Variants in BTBD7 observed in about 807,000 individuals in gnomAD.
BTBD7 encodes BTB domain containing 7.
Under a neutral mutation model 99.9 loss-of-function variants are expected in BTBD7, and 38 were observed. The ratio of observed to expected loss-of-function variants is 0.38; its 90% CI spans 0.29 to 0.50. The LOEUF is 0.50. Among genes scored for constraint, BTBD7 ranks in the 20% least tolerant of loss-of-function variants. The probability of loss-of-function intolerance (pLI) is 0.93; values close to 1 mark genes in which losing one functional copy is unlikely to be tolerated. For synonymous variants in BTBD7, 520 were observed against 511.4 expected, an observed-to-expected ratio of 1.02 and a Z score of -0.23; for missense variants, 1,170 against 1,394.6, an observed-to-expected ratio of 0.84 and a Z score of 2.57.
At chr14:93,288,360 A>C in intron 3 of BTBD7, 3 of 611,362 alleles carry the variant, frequency 4.9e-6, no homozygotes, top group Non-Finnish European at 8.6e-6. Flanking sequence ...TACTTTCTAG[A>C]TTTCCTCAAC....
rs147919576 is a variant in BTBD7 at position 93,309,429 on chromosome 14, A to C, written c.-106-13272T>G. Among the ~76,000 whole-genome samples the C allele has an allele frequency of 5.7e-3, 864 of 151,208 alleles. 4 individuals carry two copies. The highest frequency in any genetic ancestry group is 9.5e-3 in the Admixed American group (144 of 15,098). On this transcript the variant is annotated intron_variant, in intron 1 of 10. Transcript: ENST00000334746. ...CCAAGAAAAAAAAAAAAAAAAGAGT[A>C]AAATGGCAAAGCCAAGACCAAAGAC...
At chr14:93,319,671 A>C (rs2053248053) in intron 1 of BTBD7, among the ~76,000 whole-genome samples, 1 of 152,210 alleles carries the variant, frequency 6.6e-6, no homozygotes, top group Non-Finnish European at 1.5e-5. Context: ...CAGACTTATT[A>C]ATCAACGGGC....
At chr14:93,283,504 T>A (rs1369070125) in intron 3 of BTBD7, among the ~76,000 whole-genome samples, 1 of 152,254 alleles carries the variant, frequency 6.6e-6, no homozygotes, top group Non-Finnish European at 1.5e-5. Flanking sequence ...CATATTTACA[T>A]TTTAAAAGCC....
intron 1 of BTBD7, among the ~76,000 whole-genome samples, chr14:93,324,060 T>C (rs1377134704): frequency 6.6e-6 from 1 of 152,178 alleles, no homozygotes; most frequent in Admixed American, 6.6e-5. Flanking sequence ...AACATATGAC[T>C]ATTGTGCAAA....
chr14:93,254,738 T>G (rs1204036596), intron 6 of BTBD7, among the ~76,000 whole-genome samples: 1 of 152,072 alleles, frequency 6.6e-6, no homozygotes, highest in Non-Finnish European at 1.5e-5. Flanking sequence ...GTTCCTAAGG[T>G]GGTGTGAGGA....
intron 3 of BTBD7, among the ~76,000 whole-genome samples, chr14:93,293,102 A>G (rs55634005): frequency 0.11 from 17,232 of 152,206 alleles, 1,170 homozygotes; most frequent in African/African-American, 0.19. Context: ...CTCTGTCAAA[A>G]CAGCAAACTG....
chr14:93,330,194 C>G (rs1420504492), intron 1 of BTBD7, among the ~76,000 whole-genome samples: 1 of 152,160 alleles, frequency 6.6e-6, no homozygotes, highest in East Asian at 1.9e-4. Context: ...ATACCTTGCA[C>G]AACAGGATAA....
At chr14:93,274,840 G>C (rs1363160246) in intron 3 of BTBD7, among the ~76,000 whole-genome samples, 2 of 152,202 alleles carry the variant, frequency 1.3e-5, no homozygotes, top group African/African-American at 2.4e-5. Context: ...TGCCACTCTA[G>C]ATTTTGGTCA....
At chr14:93,303,880 G>A (rs775701013) in intron 1 of BTBD7, among the ~76,000 whole-genome samples, 4 of 152,200 alleles carry the variant, frequency 2.6e-5, no homozygotes, top group African/African-American at 9.7e-5. Context: ...AATGGGAGTC[G>A]CTTATTCCTC....
intron 1 of BTBD7, among the ~76,000 whole-genome samples, chr14:93,318,045 A>AT (rs1364834547): frequency 2.0e-5 from 3 of 151,802 alleles, no homozygotes; most frequent in African/African-American, 4.8e-5. Context: ...TTCGCTTTGT[A>AT]TTTTTTTTGC....
chr14:93,283,234 A>G (rs2052740883), intron 3 of BTBD7, among the ~76,000 whole-genome samples: 1 of 151,738 alleles, frequency 6.6e-6, no homozygotes, highest in South Asian at 2.1e-4. Context: ...TGTGCCACCC[A>G]CTCGGCTAAT....
Position 93,248,621 on chromosome 14 carries a change from C to T in BTBD7, c.1976G>A (p.Arg659Lys). ...PRLLIMKDMVRRLQELRHTEQ... is the reference protein window; with the variant it reads ...PRLLIMKDMVKRLQELRHTEQ... ...CGTGTGCCGCAGTTCCTGCAGTCGTCTGACCATGTCTTTCATAATGAGGAG... is the reference window on the plus strand; with the variant it reads ...CGTGTGCCGCAGTTCCTGCAGTCGTTTGACCATGTCTTTCATAATGAGGAG... The change falls in exon 9 of 11, where the codon AGA (arginine) becomes AAA (lysine). Residue 659 changes from arginine to lysine, a missense_variant. Coordinates refer to ENST00000334746, the MANE Select transcript of BTBD7 (RefSeq NM_001002860.4). 1 of 1,612,724 alleles carries T rather than the reference C, an allele frequency of 6.2e-7. No individual in the cohort carries two copies. Among genetic ancestry groups the T allele is most frequent in the Non-Finnish European group, 8.5e-7 (1 of 1,179,714 alleles).
At chr14:93,269,747 C>T (rs1378741193) in intron 3 of BTBD7, among the ~76,000 whole-genome samples, 3 of 152,190 alleles carry the variant, frequency 2.0e-5, no homozygotes, top group Non-Finnish European at 4.4e-5. Context: ...ACCTATCTCA[C>T]TCACTGCAGA....
chr14:93,294,291 G>A lies in BTBD7; in HGVS notation c.729C>T (p.Tyr243=). 1 of 1,614,102 alleles carries A rather than the reference G, an allele frequency of 6.2e-7. No homozygotes were observed. The highest frequency in any genetic ancestry group is 8.5e-7 in the Non-Finnish European group (1 of 1,180,022). The change falls in exon 3 of 11, where the codon TAC becomes TAT. Residue 243 remains tyrosine, a synonymous_variant. Transcript: ENST00000334746. ...LDVDMRGLFD[Y]MCYYDVVLSF... ...TAAGGACGACATCATAATAACACAT[G>A]TAATCAAAGAGTCCACGCATATCTA...
chr14:93,262,275 G>A (rs1012405394), intron 4 of BTBD7, among the ~76,000 whole-genome samples: 1 of 152,074 alleles, frequency 6.6e-6, no homozygotes, highest in Non-Finnish European at 1.5e-5. Flanking sequence ...TGGGACTACA[G>A]GCGCCCGCCA....
intron 3 of BTBD7, among the ~76,000 whole-genome samples, chr14:93,268,758 T>A (rs1021082013): frequency 4.9e-5 from 5 of 102,118 alleles, no homozygotes; most frequent in African/African-American, 1.6e-4. Flanking sequence ...ACTTAGACCT[T>A]TTTTTTTTTT....
rs751807023 is a variant in BTBD7 at position 93,246,266 on chromosome 14, A to T, written c.2142T>A (p.Pro714=). ...GACTTTCATCCCCAAAACGTTCATC[A>T]GGAAAGAATTTGTGAGGATTCTAAA... ...ELLQNPHKFF[P]DERFGDESPL... The change falls in exon 10 of 11, where the codon CCT becomes CCA. Residue 714 remains proline, a synonymous_variant. Coordinates refer to ENST00000334746, the MANE Select transcript of BTBD7 (RefSeq NM_001002860.4). 2 of 1,507,614 alleles carry T rather than the reference A, an allele frequency of 1.3e-6. No individual in the cohort carries two copies. The highest frequency in any genetic ancestry group is 1.8e-6 in the Non-Finnish European group (2 of 1,128,512). The allele number at this position is 1,507,614 out of a possible 1,614,324, so 93.4% of individuals were successfully genotyped here.
At position 93,282,816 on chromosome 14, in the gene BTBD7, G is replaced by A. The variant is rs184682821; in HGVS notation, c.1162+11042C>T. Among the ~76,000 whole-genome samples, 341 of 151,902 alleles carry A rather than the reference G, an allele frequency of 2.2e-3. 1 individual carries two copies. Among genetic ancestry groups the A allele is most frequent in the Non-Finnish European group, 3.9e-3 (265 of 67,972 alleles). On this transcript the variant is annotated intron_variant, in intron 3 of 10. Transcript: ENST00000334746. Reference sequence around the variant, plus strand: ...CTGTATCTTAGACTCCATTCATTTTGTATTCCTTGGTGATGGGAGGCATCA... The same window carrying A: ...CTGTATCTTAGACTCCATTCATTTTATATTCCTTGGTGATGGGAGGCATCA...
intron 1 of BTBD7, among the ~76,000 whole-genome samples, chr14:93,302,063 T>C (rs1268868759): frequency 2.6e-5 from 4 of 152,190 alleles, no homozygotes; most frequent in Non-Finnish European, 5.9e-5. Context: ...GATGGTTATC[T>C]TGAGTACGAG....
Sources: gnomAD v4.1 joint callset for allele counts (sites outside exome capture counted in the v4.1 genomes callset) on GRCh38, gnomAD v4.1.1 for gene constraint, MANE v1.5 for transcripts, NCBI Gene and HGNC (gene_info 2026-07-23, HGNC 2026-07-21) for gene names.